The following PARP14 variants were observed in gnomAD, a reference collection of about 807,000 sequenced individuals.
PARP14 encodes protein mono-ADP-ribosyltransferase PARP14.
Under a neutral mutation model 154.2 loss-of-function variants are expected in PARP14, and 59 were observed. The observed-to-expected ratio is 0.38, with a 90% confidence interval of 0.31 to 0.48. The LOEUF (loss-of-function observed/expected upper bound fraction) is 0.48, where lower values mean the gene tolerates loss of function less well. Ranked by LOEUF, PARP14 falls within the 20% of genes least tolerant of loss-of-function variation. The pLI is 0.98. For synonymous variants in PARP14, 720 were observed against 780.5 expected (o/e 0.92, Z 1.29); for missense variants, 1,734 against 2,131.6 (o/e 0.81, Z 3.67).
intron 12 of PARP14, among the ~76,000 whole-genome samples, chr3:122,716,040 C>T (rs1005499992): frequency 6.6e-6 from 1 of 152,174 alleles, no homozygotes; most frequent in Admixed American, 6.5e-5. Context: ...CTTTACCTAT[C>T]TTTATCACCA....
intron 5 of PARP14, among the ~76,000 whole-genome samples, chr3:122,697,462 C>A (rs1938814545): frequency 6.6e-6 from 1 of 152,146 alleles, no homozygotes; most frequent in Non-Finnish European, 1.5e-5. Flanking sequence ...GTATTCTGGT[C>A]CCATAACATA....
At chr3:122,687,699 G>A (rs764134931) in intron 3 of PARP14, among the ~76,000 whole-genome samples, 5 of 152,282 alleles carry the variant, frequency 3.3e-5, no homozygotes, top group South Asian at 2.1e-4. Flanking sequence ...CTCAACTAGC[G>A]TCTGGGCATT....
At chr3:122,711,553 G>A (rs868385649) in intron 9 of PARP14, among the ~76,000 whole-genome samples, 2 of 151,686 alleles carry the variant, frequency 1.3e-5, no homozygotes, top group Non-Finnish European at 2.9e-5. Context: ...GTTTTTTTTT[G>A]TTGTATCCTT....
chr3:122,706,701 TC>T (rs1210389251), intron 8 of PARP14, among the ~76,000 whole-genome samples: 2 of 152,126 alleles, frequency 1.3e-5, no homozygotes, highest in Non-Finnish European at 2.9e-5. Flanking sequence ...TGGTTCCTTC[TC>T]CCATTATTGC....
At chr3:122,713,349 C>T in intron 9 of PARP14, 75 bp from the exon 10 acceptor site, 1 of 1,241,290 alleles carries the variant, frequency 8.1e-7, no homozygotes, top group Non-Finnish European at 1.1e-6. Flanking sequence ...CCAAGAGGGT[C>T]CCATGTGAGC....
At chr3:122,689,053 C>T (rs552893846) in intron 3 of PARP14, among the ~76,000 whole-genome samples, 1 of 152,292 alleles carries the variant, frequency 6.6e-6, no homozygotes, top group African/African-American at 2.4e-5. Context: ...AGAAATACTG[C>T]TTACCTGTGG....
chr3:122,687,046 A>T, intron 2 of PARP14, 34 bp from the exon 3 acceptor site: 1 of 1,456,098 alleles, frequency 6.9e-7, no homozygotes, highest in Non-Finnish European at 9.5e-7. Flanking sequence ...ATTGTTAATC[A>T]TGTATTAATG....
chr3:122,695,931 C>T (rs1450539958), intron 5 of PARP14, among the ~76,000 whole-genome samples: 3 of 152,056 alleles, frequency 2.0e-5, no homozygotes, highest in Non-Finnish European at 1.5e-5. Context: ...TTCTTGGGAT[C>T]TTTGAAATAA....
chr3:122,689,056 A>G (rs1209643349), intron 3 of PARP14, among the ~76,000 whole-genome samples: 1 of 152,182 alleles, frequency 6.6e-6, no homozygotes. Context: ...AATACTGCTT[A>G]CCTGTGGTCG....
In PARP14 at chr3:122,700,070, C is replaced by G. The variant is rs2107643481; in HGVS notation, c.1516C>G (p.Gln506Glu). 6.2e-7 allele frequency: 1 copy of G among 1,613,766 alleles called. No homozygotes were observed. Among genetic ancestry groups the G allele is most frequent in the Non-Finnish European group, 8.5e-7 (1 of 1,179,740 alleles). The change falls in exon 6 of 17, where the codon CAA becomes GAA. Residue 506 changes from glutamine to glutamate, a missense_variant. Physicochemically the swap from Gln to Glu is conservative, Grantham distance 29 (BLOSUM62 2). Around this residue, in one of 2 missense-constraint regions of PARP14, gnomAD observed 1,646 missense variants for 1,976.0 expected, o/e 0.83. Coordinates refer to ENST00000474629, the MANE Select transcript of PARP14 (RefSeq NM_017554.3). ...AGAGATTTGTTACGATAGAGTCACTCAACACTTGTGCTTGAAAGGACCTAG... is the reference window on the plus strand; with the variant it reads ...AGAGATTTGTTACGATAGAGTCACTGAACACTTGTGCTTGAAAGGACCTAG... ...EIEICYDRVT[Q>E]HLCLKGPSAD...
At position 122,713,867 on chromosome 3, in the gene PARP14, T is replaced by G; in HGVS notation, c.3770-5T>G. 1 of 1,599,418 alleles carries G rather than the reference T, an allele frequency of 6.3e-7. No homozygotes were observed. The highest frequency in any genetic ancestry group is 8.6e-7 in the Non-Finnish European group (1 of 1,166,614). Reference sequence around the variant, plus strand: ...GTTTGTTATCATCTTGATTTTCTCATGTAGGGGTCTCCAAAGCAATTTTAG... The same window carrying G: ...GTTTGTTATCATCTTGATTTTCTCAGGTAGGGGTCTCCAAAGCAATTTTAG... On this transcript the variant is annotated splice_region_variant and splice_polypyrimidine_tract_variant and intron_variant, in intron 10 of 16. Coordinates refer to ENST00000474629, the MANE Select transcript of PARP14 (RefSeq NM_017554.3).
intron 3 of PARP14, among the ~76,000 whole-genome samples, chr3:122,687,387 G>A (rs7630280): frequency 0.047 from 7,171 of 152,248 alleles, 523 homozygotes; most frequent in African/African-American, 0.15. Context: ...CAGAGAGCTG[G>A]GGATGAGCTG....
intron 12 of PARP14, among the ~76,000 whole-genome samples, chr3:122,716,076 A>T (rs763369643): frequency 6.6e-6 from 1 of 152,144 alleles, no homozygotes; most frequent in Non-Finnish European, 1.5e-5. Context: ...AGACTGATAG[A>T]TGTAGAAGCT....
chr3:122,686,922 A>G (rs1938392525), intron 2 of PARP14, 158 bp from the exon 3 acceptor site: 2 of 548,414 alleles, frequency 3.6e-6, no homozygotes, highest in East Asian at 5.9e-5. Flanking sequence ...TGAATATGCC[A>G]CTATATATGG....
At chr3:122,714,024 C>T in intron 11 of PARP14, 90 bp downstream of exon 11, 1 of 955,600 alleles carries the variant, frequency 1.0e-6, no homozygotes. Context: ...GGGGAGACAA[C>T]ACTCTAATTT....
chr3:122,692,599 T>G, intron 4 of PARP14, 56 bp downstream of exon 4: 1 of 1,480,506 alleles, frequency 6.8e-7, no homozygotes, highest in South Asian at 1.3e-5. Flanking sequence ...TCATGAGACT[T>G]GAGATACCTC....
At chr3:122,682,668 C>T (rs1166740270) in intron 1 of PARP14, among the ~76,000 whole-genome samples, 3 of 152,148 alleles carry the variant, frequency 2.0e-5, no homozygotes, top group Non-Finnish European at 4.4e-5. Context: ...TTGACCGGCC[C>T]CAGCCCACTA....
At chr3:122,707,159 C>G (rs1008551048) in intron 8 of PARP14, among the ~76,000 whole-genome samples, 4 of 152,076 alleles carry the variant, frequency 2.6e-5, no homozygotes, top group African/African-American at 7.2e-5. Context: ...TGGCTCATGC[C>G]TGTAATCCCA....
intron 3 of PARP14, among the ~76,000 whole-genome samples, chr3:122,687,478 T>C (rs1389443027): frequency 6.6e-6 from 1 of 152,216 alleles, no homozygotes; most frequent in African/African-American, 2.4e-5. Flanking sequence ...TGTGGCTTAG[T>C]TGATGAGCAC....
Sources: allele counts gnomAD v4.1 joint callset (sites outside exome capture counted in the v4.1 genomes callset), GRCh38; gene constraint gnomAD v4.1.1; regional missense constraint gnomAD v4.1.1; transcripts MANE v1.5; gene names NCBI Gene and HGNC (gene_info 2026-07-23, HGNC 2026-07-21).